Variants in GCFC2 observed in about 807,000 individuals in gnomAD.
The protein encoded by GCFC2 is intron Large complex component GCFC2.
GCFC2 carries 102 observed loss-of-function variants against 99.4 expected under a neutral mutation model. The observed-to-expected ratio is 1.03, with a 90% CI of 0.87 to 1.21. The LOEUF (loss-of-function observed/expected upper bound fraction) is 1.21, where lower values mean the gene tolerates loss of function less well. Among genes scored for constraint, GCFC2 ranks in the 50% most tolerant of loss-of-function variants. The pLI is 0.00. For missense variants in GCFC2, 973 were observed against 920.9 expected (o/e 1.06, Z -0.73); for synonymous variants, 338 against 316.8 (o/e 1.07, Z -0.71).
At position 75,671,999 on chromosome 2, in the gene GCFC2, G is replaced by A. The variant is rs1679109921; in HGVS notation, c.1907C>T (p.Thr636Ile). ...LYPKSAVENKTSPHSKFQERQ... is the reference protein window; with the variant it reads ...LYPKSAVENKISPHSKFQERQ... ...TTCTTGGAACTTTGAATGAGGTGATGTTTTGTTTTCTACAGCACTAATTAG... is the reference window on the plus strand; with the variant it reads ...TTCTTGGAACTTTGAATGAGGTGATATTTTGTTTTCTACAGCACTAATTAG... The change falls in exon 14 of 17, where the codon ACA (threonine) becomes ATA (isoleucine). Residue 636 changes from threonine to isoleucine, a missense_variant. Transcript: ENST00000321027. The A allele has an allele frequency of 1.3e-6, 2 of 1,584,440 alleles. No homozygotes were observed. Among genetic ancestry groups the A allele is most frequent in the Non-Finnish European group, 1.7e-6 (2 of 1,154,400 alleles).
At position 75,702,391 on chromosome 2, in the gene GCFC2, C is replaced by A. The variant is rs570105893; in HGVS notation, c.427G>T (p.Ala143Ser). The change falls in exon 3 of 17, where the codon GCC (alanine) becomes TCC (serine). Residue 143 changes from alanine to serine, a missense_variant. Ala to Ser is a moderately conservative substitution (Grantham distance 99). Coordinates refer to ENST00000321027, the MANE Select transcript of GCFC2 (RefSeq NM_003203.5). Reference protein sequence around the residue: ...KIPDAAFIQAARRKRELARAQ... With the variant: ...KIPDAAFIQASRRKRELARAQ... ...CTGGCCAATTCACGTTTTCTGCGGGCTGCCTGAATAAAAGCTGCATCTGGG... is the reference window on the plus strand; with the variant it reads ...CTGGCCAATTCACGTTTTCTGCGGGATGCCTGAATAAAAGCTGCATCTGGG... 2 of 1,613,304 alleles carry A rather than the reference C, an allele frequency of 1.2e-6. No individual in the cohort carries two copies. The highest frequency in any genetic ancestry group is 2.7e-5 in the African/African-American group (2 of 75,022).
At position 75,702,255 on chromosome 2, in the gene GCFC2, C is replaced by G. The variant is rs147376368; in HGVS notation, c.563G>C (p.Arg188Thr). The part of the protein sequence containing the change: ...PESEPDDHEK[R>T]IPFTLRPQTL... Reference sequence around the variant, plus strand: ...TTGAGGTCTTAGAGTAAATGGTATTCTCTTTTCATGGTCATCAGGCTCACT... The same window carrying G: ...TTGAGGTCTTAGAGTAAATGGTATTGTCTTTTCATGGTCATCAGGCTCACT... The change falls in exon 3 of 17, where the codon AGA (arginine) becomes ACA (threonine). Residue 188 changes from arginine to threonine, a missense_variant. Transcript: ENST00000321027. The G allele has an allele frequency of 6.2e-7, 1 of 1,612,710 alleles. No individual in the cohort carries two copies. The highest frequency in any genetic ancestry group is 1.7e-5 in the Admixed American group (1 of 60,020).
rs1679511309 is a variant in GCFC2, at chr2:75,680,214, A to G, written c.1791T>C (p.Asn597=). The G allele has an allele frequency of 1.2e-6, 2 of 1,606,288 alleles. No homozygotes were observed. The highest frequency in any genetic ancestry group is 1.3e-5 in the African/African-American group (1 of 74,806). Residue 597 remains asparagine, a synonymous_variant, in exon 12 of 17, where the codon AAT becomes AAC. Coordinates refer to ENST00000321027, the MANE Select transcript of GCFC2 (RefSeq NM_003203.5). ...VILEEHSTCE[N]EVSKSRQDLL... ...TTACCTGTCTGCTTTTACTAACTTC[A>G]TTTTCACAAGTGGAATGTTCTTCAA...
At chr2:75,703,915 T>A (rs1330058260) in intron 2 of GCFC2, among the ~76,000 whole-genome samples, 1 of 152,220 alleles carries the variant, frequency 6.6e-6, no homozygotes, top group Admixed American at 6.5e-5. Context: ...GTGATTTTCT[T>A]GCAGGTGACT....
intron 11 of GCFC2, among the ~76,000 whole-genome samples, chr2:75,682,195 C>T (rs1679611303): frequency 6.6e-6 from 1 of 151,840 alleles, no homozygotes. Context: ...CAGAGGAGAG[C>T]TCTGCCTGGC....
At chr2:75,709,829 TAATA>T (rs1681053621) in intron 1 of GCFC2, among the ~76,000 whole-genome samples, 2 of 151,978 alleles carry the variant, frequency 1.3e-5, no homozygotes, top group African/African-American at 4.8e-5. Context: ...CTCAATAAAT[TAATA>T]AAAATCACTT....
chr2:75,672,524 C>T (rs1679153695), intron 13 of GCFC2, among the ~76,000 whole-genome samples: 2 of 151,732 alleles, frequency 1.3e-5, no homozygotes, highest in Non-Finnish European at 2.9e-5. Context: ...TCCTTTCTTC[C>T]CCCTCCATAA....
intron 1 of GCFC2, among the ~76,000 whole-genome samples, chr2:75,709,281 G>A (rs563360805): frequency 5.9e-5 from 9 of 152,122 alleles, no homozygotes; most frequent in Non-Finnish European, 7.3e-5. Context: ...CACTATTCTA[G>A]AAGGCAAGAG....
chr2:75,691,636 C>G (rs1161791928), intron 7 of GCFC2, among the ~76,000 whole-genome samples: 1 of 152,068 alleles, frequency 6.6e-6, no homozygotes, highest in Non-Finnish European at 1.5e-5. Flanking sequence ...TGAAACTCAC[C>G]AGAACCAATC....
chr2:75,673,256 C>T (rs1378623410), intron 13 of GCFC2, among the ~76,000 whole-genome samples, 188 bp downstream of exon 13: 1 of 151,330 alleles, frequency 6.6e-6, no homozygotes, highest in Non-Finnish European at 1.5e-5. Context: ...TGCAGTGAGC[C>T]GAGATCGCGC....
Position 75,664,769 on chromosome 2 carries a change from TC to T in GCFC2, c.2242del (p.Glu748LysfsTer2), listed in dbSNP as rs750833329. On this transcript the variant is annotated frameshift_variant, in exon 17 of 17. Transcript: ENST00000321027. LOFTEE classifies it high-confidence loss of function. ...TATTTTCACCAAAATAAGAATTATTTCTTCGACTTCATCCCTGAAAAACAAA... is the reference window on the plus strand; with the variant it reads ...TATTTTCACCAAAATAAGAATTATTTTTCGACTTCATCCCTGAAAAACAAA... The part of the protein sequence containing the change: ...SRSEFRDEVE[E>X]IILILVKIKA... 7 of 1,515,816 alleles carry T rather than the reference TC, an allele frequency of 4.6e-6. No homozygotes were observed. In the African/African-American group the frequency reaches 9.6e-5, roughly 21 times the overall value. The allele number at this position is 1,515,816 out of a possible 1,614,324, so 93.9% of individuals were successfully genotyped here. A position where few individuals can be genotyped will look rare whatever the true frequency, so the allele number is the denominator to read the frequency against.
At chr2:75,676,410 T>C (rs35335454) in intron 12 of GCFC2, among the ~76,000 whole-genome samples, 15,188 of 152,052 alleles carry the variant, frequency 0.1, 800 homozygotes, top group Non-Finnish European at 0.13. Flanking sequence ...TCATATAGAA[T>C]AGAACTAGCC....
intron 8 of GCFC2, 40 bp from the exon 9 acceptor site, chr2:75,690,121 T>C (rs145217540): frequency 8.8e-7 from 1 of 1,137,410 alleles, no homozygotes; most frequent in Non-Finnish European, 1.3e-6. Context: ...AAAAAGTAAG[T>C]AGTTCTTGCT....
At position 75,692,027 on chromosome 2, in the gene GCFC2, C is replaced by A. The variant is rs766158702; in HGVS notation, c.1094G>T (p.Arg365Leu). 3 of 1,558,150 alleles carry A rather than the reference C, an allele frequency of 1.9e-6. No homozygotes were observed. The highest frequency in any genetic ancestry group is 2.6e-6 in the Non-Finnish European group (3 of 1,144,578). Residue 365 changes from arginine (R) to leucine (L), a missense_variant, in exon 7 of 17, where the codon CGC (arginine) becomes CTC (leucine). Transcript: ENST00000321027. ...TTCATGTTTTAATTCATCTTGCCTG[C>A]GTTTCATAAAGGTCATAGCTTGTTT... ...LLKQAMTFMK[R>L]RQDELKHEST... is the part of the protein sequence containing the mutation.
chr2:75,706,705 T>A, intron 1 of GCFC2, 54 bp from the exon 2 acceptor site: 1 of 1,208,576 alleles, frequency 8.3e-7, no homozygotes, highest in Non-Finnish European at 1.2e-6. Flanking sequence ...ATGGAATTAT[T>A]AATTGAAATT....
In GCFC2 at chr2:75,689,089, T is replaced by C. The variant is rs775075253; in HGVS notation, c.1476A>G (p.Leu492=). ...PDSYYEAFIS[L]CIPKLLNPLI... is the part of the protein sequence containing the mutation. ...GGGGATTTAAAAGCTTTGGTATGCA[T>C]AAACTAATGAAAGCTTCATAATAGG... Residue 492 remains leucine (L), a synonymous_variant, in exon 10 of 17, where the codon TTA becomes TTG. Coordinates refer to ENST00000321027, the MANE Select transcript of GCFC2 (RefSeq NM_003203.5). 6.3e-7 allele frequency: 1 copy of C among 1,599,680 alleles called. No homozygotes were observed. Among genetic ancestry groups the C allele is most frequent in the African/African-American group, 1.3e-5 (1 of 74,660 alleles).
chr2:75,683,997 C>A (rs1679703489), intron 11 of GCFC2, among the ~76,000 whole-genome samples: 1 of 152,092 alleles, frequency 6.6e-6, no homozygotes, highest in African/African-American at 2.4e-5. Flanking sequence ...TAGAGACCTA[C>A]AAAGAGACTT....
chr2:75,709,831 AT>A (rs1455371382), intron 1 of GCFC2, among the ~76,000 whole-genome samples: 13 of 152,248 alleles, frequency 8.5e-5, no homozygotes, highest in African/African-American at 3.1e-4. Context: ...CAATAAATTA[AT>A]AAAAATCACT....
chr2:75,673,180 G>A (rs919211094), intron 13 of GCFC2, among the ~76,000 whole-genome samples: 1 of 152,080 alleles, frequency 6.6e-6, no homozygotes, highest in Non-Finnish European at 1.5e-5. Flanking sequence ...CGTGGTGGCG[G>A]GCGCCTGTAG....
Sources: allele counts gnomAD v4.1 joint callset (sites outside exome capture counted in the v4.1 genomes callset), GRCh38; gene constraint gnomAD v4.1.1; transcripts MANE v1.5; gene names NCBI Gene and HGNC (gene_info 2026-07-23, HGNC 2026-07-21).